Variants in MRAS observed in about 807,000 individuals in gnomAD.
The protein encoded by MRAS is muscle RAS oncogene homolog, also known as ras-related protein M-Ras.
MRAS carries 4 observed loss-of-function variants against 20.9 expected under a neutral mutation model. The ratio of observed to expected loss-of-function variants is 0.19; its 90% CI spans 0.09 to 0.44. MRAS has a LOEUF of 0.44. MRAS is among the 20% of genes least tolerant of loss of function. The pLI, the probability that MRAS is intolerant of heterozygous loss-of-function variation, is 0.99. For synonymous variants in MRAS, 98 were observed against 102.9 expected, an observed-to-expected ratio of 0.95 and a Z score of 0.29; for missense variants, 154 against 277.5, an observed-to-expected ratio of 0.56 and a Z score of 3.16.
chr3:138,378,338 C>T (rs546484871), intron 2 of MRAS, among the ~76,000 whole-genome samples: 9 of 152,336 alleles, frequency 5.9e-5, no homozygotes, highest in African/African-American at 2.2e-4. Flanking sequence ...CCTCCCAGAA[C>T]CTAAGAGACA....
chr3:138,397,309 C>T lies in MRAS; in HGVS notation c.194-15C>T. ...TAGGTGAGGACAGCCCCTGAGTGGC[C>T]TCATCCCACCCCAGTTCTGGACACA... is the stretch of plus-strand genomic sequence containing the variant. On this transcript the variant is annotated splice_polypyrimidine_tract_variant and intron_variant, in intron 2 of 5. Transcript: ENST00000423968. 1.2e-6 allele frequency: 2 copies of T among 1,613,340 alleles called. No homozygotes were observed. Among genetic ancestry groups the T allele is most frequent in the Non-Finnish European group, 1.7e-6 (2 of 1,179,632 alleles).
Position 138,402,410 on chromosome 3 carries a change from G to A in MRAS, c.*141G>A. Reference sequence around the variant, plus strand: ...AGGAAGGGAGAAGGGCAGGTGGGCAGGGAGCAGACAGGGTCTGGCTTTGCC... The same window carrying A: ...AGGAAGGGAGAAGGGCAGGTGGGCAAGGAGCAGACAGGGTCTGGCTTTGCC... On this transcript the variant is annotated 3_prime_UTR_variant, in exon 6 of 6. Transcript: ENST00000423968. 1.3e-6 allele frequency: 1 copy of A among 742,346 alleles called. No homozygotes were observed. Among genetic ancestry groups the A allele is most frequent in the Non-Finnish European group, 2.2e-6 (1 of 453,072 alleles). The allele number at this position is 742,346 out of a possible 1,614,324, so 46.0% of individuals were successfully genotyped here. A position where few individuals can be genotyped will look rare whatever the true frequency, so the allele number is the denominator to read the frequency against.
intron 4 of MRAS, 183 bp from the exon 5 acceptor site, chr3:138,400,351 A>T: frequency 1.7e-6 from 1 of 593,200 alleles, no homozygotes; most frequent in Non-Finnish European, 3.0e-6. Context: ...AGCCATTAGT[A>T]ACACTTTCCA....
intron 2 of MRAS, among the ~76,000 whole-genome samples, chr3:138,392,031 G>A (rs552768096): frequency 2.2e-4 from 33 of 152,248 alleles, no homozygotes; most frequent in African/African-American, 6.5e-4. Context: ...CTAGCTACTC[G>A]GGAGGCTGAG....
chr3:138,362,923 C>T (rs2108505841), intron 1 of MRAS, among the ~76,000 whole-genome samples: 1 of 152,308 alleles, frequency 6.6e-6, no homozygotes, highest in Middle Eastern at 3.4e-3. Flanking sequence ...ACATTCCAGT[C>T]ACATCATGTT....
chr3:138,397,797 A>G (rs1394771568), intron 3 of MRAS, among the ~76,000 whole-genome samples: 1 of 152,224 alleles, frequency 6.6e-6, no homozygotes, highest in Admixed American at 6.5e-5. Flanking sequence ...TAAGTTTACC[A>G]GGTAAAGGGA....
Position 138,400,323 on chromosome 3 carries a change from A to G in MRAS, c.448-211A>G, listed in dbSNP as rs1576391845. On this transcript the variant is annotated intron_variant, in intron 4 of 5. Coordinates refer to ENST00000423968, the MANE Select transcript of MRAS (RefSeq NM_001085049.3). ...TATTAAATATCTCTGTGCCTAGAGAACAAGAGGGAATTGGAAAAGCCATTA... is the reference window on the plus strand; with the variant it reads ...TATTAAATATCTCTGTGCCTAGAGAGCAAGAGGGAATTGGAAAAGCCATTA... The G allele has an allele frequency of 2.8e-5, 15 of 534,740 alleles. No individual in the cohort carries two copies. In the East Asian group the frequency reaches 4.3e-4, roughly 15 times the overall value. The allele number at this position is 534,740 out of a possible 1,614,324, so 33.1% of individuals were successfully genotyped here.
Position 138,402,183 on chromosome 3 carries a change from G to C in MRAS, c.541G>C (p.Glu181Gln). 6.2e-7 allele frequency: 1 copy of C among 1,614,162 alleles called. No homozygotes were observed. The highest frequency in any genetic ancestry group is 8.5e-7 in the Non-Finnish European group (1 of 1,180,012). The change falls in exon 6 of 6, where the codon GAA becomes CAA. Residue 181 changes from glutamate to glutamine, a missense_variant. Physicochemically the swap from Glu to Gln is conservative, Grantham distance 29. Around this residue, in one of 3 missense-constraint regions of MRAS, gnomAD observed 125 missense variants for 213.5 expected, o/e 0.59. Transcript: ENST00000423968. Reference protein sequence around the residue: ...LVRVIRQQIPEKSQKKKKKTK... With the variant: ...LVRVIRQQIPQKSQKKKKKTK... ...TTGTTTCAAAAGGCAACAGATTCCG[G>C]AAAAAAGCCAGAAGAAGAAGAAGAA...
In MRAS at chr3:138,405,244, C is replaced by CT. The variant is rs1469054367; in HGVS notation, c.*2978dup. 1 of 152,648 alleles carries CT rather than the reference C, an allele frequency of 6.6e-6. No homozygotes were observed. The highest frequency in any genetic ancestry group is 1.5e-5 in the Non-Finnish European group (1 of 68,050). 9.5% of individuals were successfully genotyped at this position (152,648 alleles called of 1,614,324 possible). On this transcript the variant is annotated 3_prime_UTR_variant, in exon 6 of 6. Coordinates refer to ENST00000423968, the MANE Select transcript of MRAS (RefSeq NM_001085049.3). ...GAGACATGACCCACTAACGTGGCAA[C>CT]TTTAACCCAAAGGCCCCTCAGACAT...
intron 2 of MRAS, among the ~76,000 whole-genome samples, chr3:138,384,830 G>A (rs2054977258): frequency 6.6e-6 from 1 of 152,180 alleles, no homozygotes; most frequent in African/African-American, 2.4e-5. Flanking sequence ...AGGGAGAGTG[G>A]CATCCTGCAG....
intron 1 of MRAS, among the ~76,000 whole-genome samples, chr3:138,366,807 T>C (rs531136836): frequency 6.6e-6 from 1 of 152,336 alleles, no homozygotes; most frequent in Admixed American, 6.5e-5. Flanking sequence ...GGCACCATTT[T>C]TCCTGGCCAG....
intron 1 of MRAS, among the ~76,000 whole-genome samples, chr3:138,369,536 A>T (rs545057555): frequency 4.6e-5 from 7 of 152,280 alleles, no homozygotes; most frequent in African/African-American, 1.4e-4. Context: ...AGCGACAGGC[A>T]TTGAATGTCC....
rs559497133 is a variant in MRAS, at chr3:138,385,791, A to C, written c.194-11533A>C. Among the ~76,000 whole-genome samples the C allele has an allele frequency of 9.8e-5, 15 of 152,324 alleles. No homozygotes were observed. The East Asian group carries it at 2.5e-3, about 25-fold the overall frequency. On this transcript the variant is annotated intron_variant, in intron 2 of 5. Transcript: ENST00000423968. ...TGGCCTCCCAAAGTGCTGGGGTTACAGGTGTGAGCCACTGTTCCAGGCCAA... is the reference window on the plus strand; with the variant it reads ...TGGCCTCCCAAAGTGCTGGGGTTACCGGTGTGAGCCACTGTTCCAGGCCAA...
intron 3 of MRAS, 95 bp from the exon 4 acceptor site, chr3:138,398,373 GC>G (rs1185437756): frequency 1.0e-6 from 1 of 973,190 alleles, no homozygotes; most frequent in Non-Finnish European, 1.6e-6. Flanking sequence ...GGTGCTGTGG[GC>G]TGGCTGTGCT....
chr3:138,369,045 C>T (rs1377320852), intron 1 of MRAS, among the ~76,000 whole-genome samples: 1 of 152,202 alleles, frequency 6.6e-6, no homozygotes, highest in Non-Finnish European at 1.5e-5. Flanking sequence ...TGCCATTAGT[C>T]TCATCTCTTA....
chr3:138,392,847 G>T (rs1328525903), intron 2 of MRAS, among the ~76,000 whole-genome samples: 1 of 152,106 alleles, frequency 6.6e-6, no homozygotes, highest in Middle Eastern at 3.2e-3. Flanking sequence ...ATTTATTTCA[G>T]CCATCTTATT....
chr3:138,361,273 C>A (rs2108503606), intron 1 of MRAS, among the ~76,000 whole-genome samples: 1 of 152,296 alleles, frequency 6.6e-6, no homozygotes, highest in African/African-American at 2.4e-5. Context: ...GAAGGGGGCA[C>A]TTGGGCAGCT....
In MRAS at chr3:138,404,708, C is replaced by T. The variant is rs1253388935; in HGVS notation, c.*2439C>T. The T allele has an allele frequency of 6.6e-6, 1 of 152,150 alleles. No homozygotes were observed. Among genetic ancestry groups the T allele is most frequent in the African/African-American group, 2.4e-5 (1 of 41,434 alleles). The allele number at this position is 152,150 out of a possible 1,614,324, so 9.4% of individuals were successfully genotyped here. A position where few individuals can be genotyped will look rare whatever the true frequency, so the allele number is the denominator to read the frequency against. ...AATGCCCCATTTGTAGAAGTGGGCCCTCATGACTGAGGTAGCTTCCAGATA... is the reference window on the plus strand; with the variant it reads ...AATGCCCCATTTGTAGAAGTGGGCCTTCATGACTGAGGTAGCTTCCAGATA... On this transcript the variant is annotated 3_prime_UTR_variant, in exon 6 of 6. Transcript: ENST00000423968.
At chr3:138,381,665 C>T (rs1345850618) in intron 2 of MRAS, among the ~76,000 whole-genome samples, 2 of 152,210 alleles carry the variant, frequency 1.3e-5, no homozygotes, top group Admixed American at 6.5e-5. Flanking sequence ...GGCCCAGCTC[C>T]GCAACCTCTC....
Sources: allele counts gnomAD v4.1 joint callset (sites outside exome capture counted in the v4.1 genomes callset), GRCh38; gene constraint gnomAD v4.1.1; regional missense constraint gnomAD v4.1.1; transcripts MANE v1.5; gene names NCBI Gene and HGNC (gene_info 2026-07-23, HGNC 2026-07-21).